CTIF: variants seen among roughly 807,000 people sequenced by gnomAD.
CTIF encodes CBP80/20-dependent translation initiation factor.
A neutral mutation model predicts 66.0 loss-of-function variants in CTIF; 21 were observed. The ratio of observed to expected loss-of-function variants is 0.32; its 90% CI spans 0.23 to 0.46. CTIF has a LOEUF of 0.46. Ranked by LOEUF, CTIF falls within the 20% of genes least tolerant of loss-of-function variation. CTIF has a pLI of 1.00. For synonymous variants in CTIF, 345 were observed against 326.4 expected (o/e 1.06, Z -0.62); for missense variants, 739 against 812.7 (o/e 0.91, Z 1.10).
At chr18:48,652,199 G>C (rs1319397099) in intron 3 of CTIF, among the ~76,000 whole-genome samples, 1 of 152,148 alleles carries the variant, frequency 6.6e-6, no homozygotes, top group Non-Finnish European at 1.5e-5. Flanking sequence ...CCAGGAGCTG[G>C]TTTTTTGAAA....
At chr18:48,819,454 C>T (rs1205048443) in intron 10 of CTIF, among the ~76,000 whole-genome samples, 2 of 152,216 alleles carry the variant, frequency 1.3e-5, no homozygotes, top group African/African-American at 4.8e-5. Flanking sequence ...ATCTGGACAC[C>T]TCCTGGTGTT....
intron 10 of CTIF, among the ~76,000 whole-genome samples, chr18:48,843,662 C>T (rs190661187): frequency 1.5e-4 from 23 of 152,274 alleles, no homozygotes; most frequent in African/African-American, 5.1e-4. Flanking sequence ...AGCACCCCTC[C>T]CTTATCTAGG....
intron 3 of CTIF, among the ~76,000 whole-genome samples, chr18:48,642,138 A>G (rs539032100): frequency 6.6e-6 from 1 of 152,346 alleles, no homozygotes; most frequent in Non-Finnish European, 1.5e-5. Flanking sequence ...TTTAGTTCGT[A>G]TTTATTGAGT....
intron 7 of CTIF, among the ~76,000 whole-genome samples, chr18:48,718,013 A>T (rs1270204387): frequency 3.3e-5 from 5 of 152,170 alleles, no homozygotes; most frequent in Admixed American, 3.3e-4. Flanking sequence ...AGTAGCTGGG[A>T]TTATAGACAC....
chr18:48,682,426 C>T (rs1175069798), intron 6 of CTIF, among the ~76,000 whole-genome samples: 1 of 152,218 alleles, frequency 6.6e-6, no homozygotes, highest in Non-Finnish European at 1.5e-5. Flanking sequence ...TCTATCTTCA[C>T]CCCAGTGAAC....
intron 1 of CTIF, among the ~76,000 whole-genome samples, chr18:48,568,652 A>AAAAAAAAAAAAAAAAAAC (rs2089337386): frequency 6.9e-6 from 1 of 145,312 alleles, no homozygotes; most frequent in Non-Finnish European, 1.5e-5. Context: ...AAAAAAAAAA[A>AAAAAAAAAAAAAAAAAAC]AAAAAAAAAA....
At chr18:48,737,617 GA>G (rs142187446) in intron 7 of CTIF, among the ~76,000 whole-genome samples, 12,471 of 145,906 alleles carry the variant, frequency 0.085, 585 homozygotes, top group Non-Finnish European at 0.092. Context: ...AATGTTAACT[GA>G]AAAAAAAAAG....
At chr18:48,781,206 T>C (rs1013405082) in intron 9 of CTIF, among the ~76,000 whole-genome samples, 6 of 152,198 alleles carry the variant, frequency 3.9e-5, no homozygotes, top group African/African-American at 1.4e-4. Flanking sequence ...CGCCAGCCCC[T>C]GTCTGTCCCT....
chr18:48,793,113 C>T (rs897347741), intron 9 of CTIF, among the ~76,000 whole-genome samples: 4 of 152,126 alleles, frequency 2.6e-5, no homozygotes, highest in Non-Finnish European at 5.9e-5. Flanking sequence ...CTGACTCCAC[C>T]GCTGTCACAA....
chr18:48,748,386 A>G (rs1328187351), intron 7 of CTIF, among the ~76,000 whole-genome samples: 3 of 151,938 alleles, frequency 2.0e-5, no homozygotes, highest in Non-Finnish European at 4.4e-5. Flanking sequence ...GGGAGGGATA[A>G]TGATGGTGCT....
intron 9 of CTIF, among the ~76,000 whole-genome samples, chr18:48,804,576 G>T (rs1303171144): frequency 6.6e-6 from 1 of 152,198 alleles, no homozygotes; most frequent in Non-Finnish European, 1.5e-5. Flanking sequence ...AGTAACTCAG[G>T]ATACAGCTAC....
intron 9 of CTIF, among the ~76,000 whole-genome samples, chr18:48,793,671 C>A (rs916841536): frequency 1.2e-4 from 19 of 152,304 alleles, no homozygotes; most frequent in African/African-American, 4.6e-4. Context: ...ACAATTAGCC[C>A]AGCTCAAGTT....
At chr18:48,701,202 C>T (rs1398228763) in intron 6 of CTIF, among the ~76,000 whole-genome samples, 3 of 152,084 alleles carry the variant, frequency 2.0e-5, no homozygotes, top group African/African-American at 7.2e-5. Context: ...TGGAAACTCT[C>T]ATTCCTCATG....
At chr18:48,652,836 A>G (rs1377011977) in intron 3 of CTIF, among the ~76,000 whole-genome samples, 1 of 152,244 alleles carries the variant, frequency 6.6e-6, no homozygotes, top group Non-Finnish European at 1.5e-5. Flanking sequence ...ATGCAAATCA[A>G]TAAATGTAAT....
intron 7 of CTIF, among the ~76,000 whole-genome samples, chr18:48,730,527 G>A (rs2092440013): frequency 1.3e-5 from 1 of 79,792 alleles, no homozygotes; most frequent in African/African-American, 4.7e-5. Flanking sequence ...GGTGTGAGGG[G>A]CCCCTGTGGT....
intron 1 of CTIF, among the ~76,000 whole-genome samples, chr18:48,545,996 G>C (rs1197912165): frequency 2.6e-5 from 4 of 152,160 alleles, no homozygotes; most frequent in African/African-American, 9.7e-5. Flanking sequence ...TGAGTTAGGG[G>C]AGAGGCATTT....
intron 9 of CTIF, among the ~76,000 whole-genome samples, chr18:48,771,401 A>G (rs4939811): frequency 0.46 from 69,963 of 151,982 alleles, 16,527 homozygotes; most frequent in East Asian, 0.75. Context: ...ATAGGCAGGC[A>G]TGGGAATAGC....
At chr18:48,577,640 A>G (rs981737866) in intron 1 of CTIF, among the ~76,000 whole-genome samples, 2 of 152,150 alleles carry the variant, frequency 1.3e-5, no homozygotes, top group East Asian at 1.9e-4. Context: ...TAGTGCAATC[A>G]TGGCTTACTG....
At chr18:48,652,709 C>T (rs1275309769) in intron 3 of CTIF, among the ~76,000 whole-genome samples, 2 of 152,190 alleles carry the variant, frequency 1.3e-5, no homozygotes, top group African/African-American at 4.8e-5. Context: ...CCCTGATGAA[C>T]ATCGATGTGA....
Sources: allele counts gnomAD v4.1 joint callset (sites outside exome capture counted in the v4.1 genomes callset), GRCh38; gene constraint gnomAD v4.1.1; transcripts MANE v1.5; gene names NCBI Gene and HGNC (gene_info 2026-07-23, HGNC 2026-07-21).